The following DGKB variants were observed in gnomAD, a reference collection of about 807,000 sequenced individuals.
DGKB encodes the protein 90 kDa diacylglycerol kinase.
A neutral mutation model predicts 114.3 loss-of-function variants in DGKB; 67 were observed. The ratio of observed to expected loss-of-function variants is 0.59; its 90% CI spans 0.48 to 0.72. The LOEUF (loss-of-function observed/expected upper bound fraction) is 0.72. Ranked by LOEUF, DGKB falls within the 30% of genes least tolerant of loss-of-function variation. DGKB has a pLI of 0.00. For synonymous variants in DGKB, 398 were observed against 323.1 expected (o/e 1.23, Z -2.49); for missense variants, 907 against 975.2 (o/e 0.93, Z 0.93).
At chr7:14,632,738 T>C (rs1563736661) in intron 13 of DGKB, among the ~76,000 whole-genome samples, 2 of 151,658 alleles carry the variant, frequency 1.3e-5, no homozygotes, top group South Asian at 2.1e-4. Flanking sequence ...TCATTTAAGA[T>C]GAGTAAATAG....
At chr7:14,647,723 T>C (rs1210728493) in intron 13 of DGKB, among the ~76,000 whole-genome samples, 3 of 152,132 alleles carry the variant, frequency 2.0e-5, no homozygotes, top group Non-Finnish European at 4.4e-5. Flanking sequence ...TGCATTTCCA[T>C]CTGAGGTACC....
intron 1 of DGKB, among the ~76,000 whole-genome samples, chr7:14,917,341 G>C (rs1398443132): frequency 6.6e-6 from 1 of 151,940 alleles, no homozygotes; most frequent in Admixed American, 6.6e-5. Flanking sequence ...GAAAGCAAAA[G>C]TTAGATCTTA....
chr7:14,723,171 A>G (rs1829483815), intron 5 of DGKB, among the ~76,000 whole-genome samples: 1 of 152,150 alleles, frequency 6.6e-6, no homozygotes, highest in Non-Finnish European at 1.5e-5. Flanking sequence ...TTAGGAGACA[A>G]CATGTACGGC....
At chr7:14,323,493 G>A (rs1808182777) in intron 23 of DGKB, among the ~76,000 whole-genome samples, 1 of 152,178 alleles carries the variant, frequency 6.6e-6, no homozygotes, top group Admixed American at 6.5e-5. Context: ...GAGATGGGGT[G>A]ATATTTTAGA....
At chr7:14,615,631 C>T (rs1044389745) in intron 15 of DGKB, among the ~76,000 whole-genome samples, 6 of 151,620 alleles carry the variant, frequency 4.0e-5, no homozygotes, top group African/African-American at 1.5e-4. Context: ...TGATGATATT[C>T]CACAAGTGGC....
intron 21 of DGKB, among the ~76,000 whole-genome samples, chr7:14,372,258 C>T (rs1472964388): frequency 6.6e-6 from 1 of 152,166 alleles, no homozygotes; most frequent in African/African-American, 2.4e-5. Flanking sequence ...CTGCCAACAA[C>T]CCCGGGAACT....
At chr7:14,937,057 CACACACACACACACACAT>C (rs1228306782) in intron 1 of DGKB, among the ~76,000 whole-genome samples, 9 of 148,418 alleles carry the variant, frequency 6.1e-5, no homozygotes, top group East Asian at 2.0e-4. Context: ...CACACACACA[CACACACACACACACACAT>C]CTTTTGTTAA....
chr7:14,885,334 A>G (rs1854867053), intron 1 of DGKB, among the ~76,000 whole-genome samples: 1 of 152,000 alleles, frequency 6.6e-6, no homozygotes, highest in Non-Finnish European at 1.5e-5. Flanking sequence ...GACATATAGG[A>G]GGCAAACAAG....
chr7:14,648,384 C>T (rs1048770537), intron 13 of DGKB, among the ~76,000 whole-genome samples: 3 of 152,146 alleles, frequency 2.0e-5, no homozygotes, highest in East Asian at 1.9e-4. Context: ...AGCAGGGGCA[C>T]ACTCACACCT....
intron 23 of DGKB, among the ~76,000 whole-genome samples, chr7:14,234,868 A>C (rs934649028): frequency 2.6e-5 from 4 of 152,068 alleles, no homozygotes; most frequent in Non-Finnish European, 5.9e-5. Context: ...GAATTGTGTA[A>C]TTTACATAAC....
chr7:14,313,716 C>T (rs988024908), intron 23 of DGKB, among the ~76,000 whole-genome samples: 12 of 152,174 alleles, frequency 7.9e-5, no homozygotes, highest in African/African-American at 1.9e-4. Flanking sequence ...GGGGCGCCCG[C>T]CATTGCCCAG....
intron 2 of DGKB, among the ~76,000 whole-genome samples, chr7:14,813,666 G>A (rs1843718332): frequency 6.6e-6 from 1 of 151,876 alleles, no homozygotes; most frequent in African/African-American, 2.4e-5. Flanking sequence ...TATATTTATT[G>A]TAATAACTTA....
chr7:14,506,221 A>G (rs1254809109), intron 20 of DGKB, among the ~76,000 whole-genome samples: 1 of 152,156 alleles, frequency 6.6e-6, no homozygotes, highest in Admixed American at 6.6e-5. Flanking sequence ...CATGCCTCCC[A>G]CAAATCAATA....
intron 2 of DGKB, among the ~76,000 whole-genome samples, chr7:14,764,275 T>C (rs1162827057): frequency 6.6e-6 from 1 of 151,958 alleles, no homozygotes; most frequent in Non-Finnish European, 1.5e-5. Flanking sequence ...TATGTCAATG[T>C]TAAAGTTATA....
At chr7:14,251,356 A>G (rs182864257) in intron 23 of DGKB, among the ~76,000 whole-genome samples, 113 of 152,244 alleles carry the variant, frequency 7.4e-4, no homozygotes, top group Admixed American at 2.8e-3. Context: ...TCTTTTTTAA[A>G]GCTGATAACT....
At chr7:14,936,012 T>C (rs1028243911) in intron 1 of DGKB, among the ~76,000 whole-genome samples, 1 of 152,104 alleles carries the variant, frequency 6.6e-6, no homozygotes, top group African/African-American at 2.4e-5. Context: ...AAGTAATGAA[T>C]GGGTGGCTAA....
chr7:14,433,579 G>A (rs1205136891), intron 21 of DGKB, among the ~76,000 whole-genome samples: 2 of 152,036 alleles, frequency 1.3e-5, no homozygotes, highest in Non-Finnish European at 2.9e-5. Flanking sequence ...CTACATAAGT[G>A]AAAGATTAAA....
chr7:14,868,979 T>C (rs2128192606), intron 1 of DGKB, among the ~76,000 whole-genome samples: 1 of 152,312 alleles, frequency 6.6e-6, no homozygotes, highest in Non-Finnish European at 1.5e-5. Context: ...AAAGAAATCC[T>C]CACCACTGTT....
intron 2 of DGKB, among the ~76,000 whole-genome samples, chr7:14,798,523 C>G (rs919515856): frequency 1.3e-5 from 2 of 152,136 alleles, no homozygotes; most frequent in African/African-American, 2.4e-5. Context: ...TCCTGTTAAG[C>G]TGACTTTTTT....
Sources: allele counts gnomAD v4.1 joint callset (sites outside exome capture counted in the v4.1 genomes callset), GRCh38; gene constraint gnomAD v4.1.1; transcripts MANE v1.5; gene names NCBI Gene and HGNC (gene_info 2026-07-23, HGNC 2026-07-21).